KYNU: variants seen among roughly 807,000 people sequenced by gnomAD.
KYNU encodes L-kynurenine hydrolase.
In KYNU, 54 loss-of-function variants were observed where a neutral mutation model predicts 59.2. The observed-to-expected ratio is 0.91, with a 90% CI of 0.73 to 1.14. The LOEUF (loss-of-function observed/expected upper bound fraction) is 1.14, where lower values mean the gene tolerates loss of function less well. Ranked by LOEUF, KYNU falls within the 50% of genes most tolerant of loss-of-function variation. The pLI, the probability that KYNU is intolerant of heterozygous loss-of-function variation, is 0.00. For synonymous variants in KYNU, 177 were observed against 192.0 expected, an observed-to-expected ratio of 0.92 and a Z score of 0.65; for missense variants, 567 against 554.4, an observed-to-expected ratio of 1.02 and a Z score of -0.23.
At chr2:142,889,787 TAA>T (rs1225828670) in intron 2 of KYNU, among the ~76,000 whole-genome samples, 1 of 151,988 alleles carries the variant, frequency 6.6e-6, no homozygotes, top group Non-Finnish European at 1.5e-5. Flanking sequence ...ACCAAGAAAA[TAA>T]ACTTTCTTTA....
rs1573927237 is a variant in KYNU, at chr2:143,044,109, GT to G, written c.*1940del. 2 of 151,984 alleles carry G rather than the reference GT, an allele frequency of 1.3e-5. No individual in the cohort carries two copies. The highest frequency in any genetic ancestry group is 1.3e-4 in the Admixed American group (2 of 15,234). The allele number at this position is 151,984 out of a possible 1,614,324, so 9.4% of individuals were successfully genotyped here. A position where few individuals can be genotyped will look rare whatever the true frequency, so the allele number is the denominator to read the frequency against. On this transcript the variant is annotated 3_prime_UTR_variant, in exon 14 of 14. Transcript: ENST00000264170. ...TGTTTGATTTTCTGTTCCTCTGTTA[GT>G]TTGCTGAGAATGATGGTTTCCAGCT...
rs1412339931 is a variant in KYNU, at chr2:143,055,632, C to A, written c.*13460C>A. On this transcript the variant is annotated 3_prime_UTR_variant, in exon 14 of 14. Transcript: ENST00000264170. The stretch of plus-strand genomic sequence containing the variant: ...TTGAGGGTCATTAGTCATCTTACCA[C>A]AGGAAGGAAGGAAGGAAGGAAGGAA... 2.3e-5 allele frequency: 3 copies of A among 133,206 alleles called. No homozygotes were observed. Among genetic ancestry groups the A allele is most frequent in the Admixed American group, 7.7e-5 (1 of 12,986 alleles). 8.3% of individuals were successfully genotyped at this position (133,206 alleles called of 1,614,324 possible).
intron 10 of KYNU, among the ~76,000 whole-genome samples, chr2:143,012,324 A>T (rs1686129694): frequency 6.6e-6 from 1 of 151,970 alleles, no homozygotes; most frequent in Non-Finnish European, 1.5e-5. Context: ...TCTACTAAAA[A>T]TACAAAAAGT....
chr2:143,029,736 A>G (rs1686690263), intron 11 of KYNU, 57 bp downstream of exon 11: 1 of 1,044,202 alleles, frequency 9.6e-7, no homozygotes. Flanking sequence ...TTCAATGTTC[A>G]TCTGTCTTTG....
chr2:142,885,394 G>C lies in KYNU; in HGVS notation c.27G>C (p.Pro9=). The change falls in exon 2 of 14, where the codon CCG becomes CCC. Residue 9 remains proline (P), a synonymous_variant. Coordinates refer to ENST00000264170, the MANE Select transcript of KYNU (RefSeq NM_003937.3). MEPSSLEL[P]ADTVQRIAAE... ...TGGAGCCTTCATCTCTTGAGCTGCC[G>C]GCTGACACAGTGCAGCGCATTGCGG... is the stretch of plus-strand genomic sequence containing the variant. The C allele has an allele frequency of 6.2e-7, 1 of 1,613,704 alleles. No individual in the cohort carries two copies. The highest frequency in any genetic ancestry group is 8.5e-7 in the Non-Finnish European group (1 of 1,179,938).
chr2:143,012,349 G>T (rs566307465), intron 10 of KYNU, among the ~76,000 whole-genome samples: 2 of 152,128 alleles, frequency 1.3e-5, no homozygotes, highest in African/African-American at 4.8e-5. Flanking sequence ...TGGGCCTAGT[G>T]GTGCATGCCT....
intron 2 of KYNU, among the ~76,000 whole-genome samples, chr2:142,893,401 T>C (rs1681772578): frequency 6.6e-6 from 1 of 152,210 alleles, no homozygotes; most frequent in African/African-American, 2.4e-5. Context: ...AAAGACTGTA[T>C]AAGCCTTTCA....
chr2:142,920,429 C>CA (rs772255316), intron 3 of KYNU, among the ~76,000 whole-genome samples: 10 of 152,140 alleles, frequency 6.6e-5, no homozygotes, highest in Non-Finnish European at 1.5e-4. Flanking sequence ...ATTCATTCAG[C>CA]AAGGTTGTGA....
At chr2:142,909,820 T>C (rs1682420383) in intron 2 of KYNU, among the ~76,000 whole-genome samples, 1 of 152,202 alleles carries the variant, frequency 6.6e-6, no homozygotes, top group Admixed American at 6.5e-5. Flanking sequence ...ATATACTTGG[T>C]AATGGGGTTG....
At chr2:142,888,642 G>A (rs867742927) in intron 2 of KYNU, among the ~76,000 whole-genome samples, 2 of 151,932 alleles carry the variant, frequency 1.3e-5, no homozygotes, top group Admixed American at 6.6e-5. Flanking sequence ...GATTGTTAAG[G>A]TGAGGCCCAG....
At position 142,956,222 on chromosome 2, in the gene KYNU, C is replaced by T. The variant is rs146601376; in HGVS notation, c.455C>T (p.Thr152Met). The T allele has an allele frequency of 5.8e-5, 92 of 1,597,968 alleles. 1 individual carries two copies. The highest frequency in any genetic ancestry group is 1.8e-4 in the East Asian group (8 of 44,658). ...HLLMLSFFKPTPKRYKILLEA... is the reference protein window; with the variant it reads ...HLLMLSFFKPMPKRYKILLEA... Reference sequence around the variant, plus strand: ...TTGCAGTTATCATTTTTTAAGCCTACGCCAAAACGATATAAAATTCTTCTA... The same window carrying T: ...TTGCAGTTATCATTTTTTAAGCCTATGCCAAAACGATATAAAATTCTTCTA... The change falls in exon 6 of 14, where the codon ACG becomes ATG. Residue 152 changes from threonine to methionine, a missense_variant. By Grantham distance (81) the Thr-to-Met change is moderately conservative (BLOSUM62 -1). Coordinates refer to ENST00000264170, the MANE Select transcript of KYNU (RefSeq NM_003937.3).
At chr2:142,910,240 G>A (rs527893839) in intron 2 of KYNU, among the ~76,000 whole-genome samples, 36 of 144,662 alleles carry the variant, frequency 2.5e-4, no homozygotes, top group East Asian at 1.9e-3. Flanking sequence ...AGGTTCAAGC[G>A]ATTCTCTTGC....
At chr2:142,941,173 C>T (rs1683587278) in intron 4 of KYNU, among the ~76,000 whole-genome samples, 2 of 152,188 alleles carry the variant, frequency 1.3e-5, no homozygotes, top group African/African-American at 4.8e-5. Flanking sequence ...GGCAGCCCCC[C>T]ATAGTGAGAT....
chr2:142,954,761 T>C (rs1241988108), intron 4 of KYNU, 49 bp from the exon 5 acceptor site: 2 of 1,243,432 alleles, frequency 1.6e-6, no homozygotes, highest in Non-Finnish European at 2.4e-6. Context: ...TTTTTCAGTA[T>C]CTTTAGACAT....
intron 10 of KYNU, among the ~76,000 whole-genome samples, chr2:143,017,551 C>T (rs987669130): frequency 1.3e-5 from 2 of 149,898 alleles, no homozygotes; most frequent in Non-Finnish European, 3.0e-5. Flanking sequence ...AAGTGATTCC[C>T]CTGCCTCAGC....
intron 2 of KYNU, among the ~76,000 whole-genome samples, chr2:142,901,573 G>C (rs1305826967): frequency 6.6e-6 from 1 of 152,014 alleles, no homozygotes; most frequent in East Asian, 1.9e-4. Context: ...TCTCCTAATG[G>C]CTTCCTGATG....
chr2:142,888,514 A>G (rs1465843619), intron 2 of KYNU, among the ~76,000 whole-genome samples: 5 of 152,094 alleles, frequency 3.3e-5, no homozygotes, highest in African/African-American at 9.7e-5. Flanking sequence ...ATTAACCCCA[A>G]GTGTTCTTCT....
chr2:142,987,447 A>G (rs1443135833), intron 10 of KYNU, among the ~76,000 whole-genome samples: 1 of 151,970 alleles, frequency 6.6e-6, no homozygotes, highest in Non-Finnish European at 1.5e-5. Context: ...AACAAGGACA[A>G]AGGGATTGTA....
chr2:143,022,234 T>G (rs1452543309), intron 10 of KYNU, among the ~76,000 whole-genome samples: 1 of 152,142 alleles, frequency 6.6e-6, no homozygotes, highest in Non-Finnish European at 1.5e-5. Flanking sequence ...TTAGATTTTT[T>G]AAAACTTAAG....
Sources: allele counts gnomAD v4.1 joint callset (sites outside exome capture counted in the v4.1 genomes callset), GRCh38; gene constraint gnomAD v4.1.1; transcripts MANE v1.5; gene names NCBI Gene and HGNC (gene_info 2026-07-23, HGNC 2026-07-21).